The following TAMM41 variants were observed in gnomAD, a reference collection of about 807,000 sequenced individuals.
The protein encoded by TAMM41 is phosphatidate cytidylyltransferase, mitochondrial.
In TAMM41, 36 loss-of-function variants were observed where a neutral mutation model predicts 44.1. The ratio of observed to expected loss-of-function variants is 0.82; its 90% CI spans 0.63 to 1.08. The LOEUF is 1.08. Ranked by LOEUF, TAMM41 falls within the 50% of genes least tolerant of loss-of-function variation. The pLI, the probability that TAMM41 is intolerant of heterozygous loss-of-function variation, is 0.00. For synonymous variants in TAMM41, 164 were observed against 153.1 expected (o/e 1.07, Z -0.53); for missense variants, 417 against 404.3 (o/e 1.03, Z -0.27).
At chr3:11,807,719 C>A (rs1265873293) in intron 7 of TAMM41, 114 bp downstream of exon 7, 1 of 1,536,016 alleles carries the variant, frequency 6.5e-7, no homozygotes. Flanking sequence ...TTATGGCCAT[C>A]AAAGCTCAGC....
rs919997479 is a variant in TAMM41 at position 11,808,108 on chromosome 3, G to A, written c.875-213C>T. The A allele has an allele frequency of 9.3e-6, 10 of 1,078,024 alleles. 1 individual carries two copies. In the African/African-American group the frequency reaches 1.6e-4, roughly 17 times the overall value. 66.8% of individuals were successfully genotyped at this position (1,078,024 alleles called of 1,614,324 possible). ...GCCAGCCGTGGCGCCACCCGGCTGT[G>A]TGAGTCCAAGCCGATGACCGAACAG... On this transcript the variant is annotated intron_variant, in intron 6 of 7. Coordinates refer to ENST00000455809, the MANE Select transcript of TAMM41 (RefSeq NM_001284401.2).
At chr3:11,752,918 C>G in the TAMM41 span, among the ~76,000 whole-genome samples, 3 of 151,638 alleles carry the variant, frequency 2.0e-5, no homozygotes, top group Non-Finnish European at 4.4e-5. Context: ...GCCTCCCAAA[C>G]TGCTGAAATT....
chr3:11,842,155 G>A (rs1400908340), intron 2 of TAMM41, among the ~76,000 whole-genome samples: 3 of 152,096 alleles, frequency 2.0e-5, no homozygotes, highest in Non-Finnish European at 2.9e-5. Flanking sequence ...TTGGGAGGCC[G>A]AGACGGGTGG....
the TAMM41 span, among the ~76,000 whole-genome samples, chr3:11,770,295 C>A: frequency 6.6e-6 from 1 of 151,994 alleles, no homozygotes; most frequent in Admixed American, 6.6e-5. Flanking sequence ...CATAAGTGGC[C>A]CCATAAAAAC....
chr3:11,777,592 G>A, the TAMM41 span, among the ~76,000 whole-genome samples: 7 of 152,108 alleles, frequency 4.6e-5, 1 homozygote, highest in South Asian at 2.1e-4. Flanking sequence ...TCCAGAGTTC[G>A]AGACCAGCCT....
chr3:11,806,871 T>G lies in TAMM41; in HGVS notation c.937+962A>C, dbSNP rs535050973. 1.1e-4 allele frequency among the ~76,000 whole-genome samples: 16 copies of G among 152,162 alleles called. No individual in the cohort carries two copies. In the South Asian group the frequency reaches 1.9e-3, roughly 18 times the overall value. ...TCCAGAAATAACATACACAAAGGAT[T>G]AAGAATCAGATTGGCTTTAGACATA... is the stretch of plus-strand genomic sequence containing the variant. On this transcript the variant is annotated intron_variant, in intron 7 of 7. Transcript: ENST00000455809.
chr3:11,771,719 A>G, the TAMM41 span, among the ~76,000 whole-genome samples: 17 of 152,040 alleles, frequency 1.1e-4, no homozygotes, highest in Non-Finnish European at 1.9e-4. Context: ...AGTAGCTGGG[A>G]TTACAGGCGC....
chr3:11,839,600 C>A (rs547230029), intron 2 of TAMM41, among the ~76,000 whole-genome samples: 3 of 152,336 alleles, frequency 2.0e-5, no homozygotes, highest in South Asian at 2.1e-4. Context: ...TTGCTGCCAG[C>A]CTCACAGGCT....
the TAMM41 span, among the ~76,000 whole-genome samples, chr3:11,779,916 G>A: frequency 1.3e-5 from 2 of 152,216 alleles, no homozygotes; most frequent in East Asian, 1.9e-4. Flanking sequence ...TTGTGCCAGC[G>A]GGAGCCTTGG....
At chr3:11,737,424 G>A in the TAMM41 span, among the ~76,000 whole-genome samples, 2 of 151,604 alleles carry the variant, frequency 1.3e-5, no homozygotes, top group Non-Finnish European at 2.9e-5. Flanking sequence ...AGGTTCAAGC[G>A]ATTCTCCTTC....
At chr3:11,758,497 A>G in the TAMM41 span, among the ~76,000 whole-genome samples, 1 of 151,372 alleles carries the variant, frequency 6.6e-6, no homozygotes, top group African/African-American at 2.4e-5. Context: ...GATTACATGC[A>G]CGTGCCACCA....
At chr3:11,732,030 C>T in the TAMM41 span, among the ~76,000 whole-genome samples, 1 of 152,076 alleles carries the variant, frequency 6.6e-6, no homozygotes, top group Non-Finnish European at 1.5e-5. Context: ...CCATGCCGGG[C>T]TAATTTTTGT....
intron 5 of TAMM41, among the ~76,000 whole-genome samples, chr3:11,813,918 ATGTATATATGTG>A (rs1022844971): frequency 2.7e-5 from 4 of 150,422 alleles, no homozygotes; most frequent in African/African-American, 9.8e-5. Context: ...GTGTGTATAT[ATGTATATATGTG>A]TGTATATATG....
At chr3:11,808,052 C>T in intron 6 of TAMM41, 157 bp from the exon 7 acceptor site, 1 of 1,375,412 alleles carries the variant, frequency 7.3e-7, no homozygotes, top group Non-Finnish European at 9.5e-7. Flanking sequence ...ATGAAAAGGG[C>T]AGTGGGATTG....
At chr3:11,790,229 T>C (rs1031867716), downstream of TAMM41, among the ~76,000 whole-genome samples, 3 of 152,220 alleles carry the variant, frequency 2.0e-5, no homozygotes, top group Non-Finnish European at 4.4e-5. Context: ...TGTCTGACTC[T>C]CACGTACCTA....
At chr3:11,728,060 TAC>T in the TAMM41 span, among the ~76,000 whole-genome samples, 2 of 152,170 alleles carry the variant, frequency 1.3e-5, no homozygotes, top group Non-Finnish European at 2.9e-5. Flanking sequence ...GCGCTGGGAT[TAC>T]AGGCGTGAGC....
the TAMM41 span, among the ~76,000 whole-genome samples, chr3:11,746,022 C>T: frequency 0.014 from 2,196 of 152,212 alleles, 37 homozygotes; most frequent in Non-Finnish European, 0.022. Flanking sequence ...AAATTTAGGC[C>T]GGGCGCGGTC....
the TAMM41 span, among the ~76,000 whole-genome samples, chr3:11,739,697 A>AAAAG: frequency 1.5e-5 from 2 of 137,748 alleles, no homozygotes; most frequent in African/African-American, 5.3e-5. Flanking sequence ...AAAAAAAAAA[A>AAAAG]GAGACATGTT....
the TAMM41 span, among the ~76,000 whole-genome samples, chr3:11,747,555 G>A: frequency 6.6e-6 from 1 of 151,954 alleles, no homozygotes; most frequent in Non-Finnish European, 1.5e-5. Flanking sequence ...GATTGCTTGA[G>A]CCCAGGAGTT....
Sources: gnomAD v4.1 joint callset for allele counts (sites outside exome capture counted in the v4.1 genomes callset) on GRCh38, gnomAD v4.1.1 for gene constraint, MANE v1.5 for transcripts, NCBI Gene and HGNC (gene_info 2026-07-23, HGNC 2026-07-21) for gene names.